Variants in CDKAL1 observed in about 807,000 individuals in gnomAD.
The protein encoded by CDKAL1 is threonylcarbamoyladenosine tRNA methylthiotransferase.
Under a neutral mutation model 68.2 loss-of-function variants are expected in CDKAL1, and 32 were observed. That is an observed-to-expected ratio of 0.47 (90% CI 0.35 to 0.63). The LOEUF (loss-of-function observed/expected upper bound fraction) is 0.63. Ranked by LOEUF, CDKAL1 falls within the 30% of genes least tolerant of loss-of-function variation. The probability of loss-of-function intolerance (pLI) is 0.00; values close to 1 mark genes in which losing one functional copy is unlikely to be tolerated. For synonymous variants in CDKAL1, 234 were observed against 244.3 expected (o/e 0.96, Z 0.39); for missense variants, 606 against 696.7 (o/e 0.87, Z 1.47).
intron 4 of CDKAL1, chr6:20,559,181 C>A (rs1271844850): frequency 6.6e-6 from 1 of 152,024 alleles, no homozygotes. Flanking sequence ...GTACTAAATT[C>A]ATGTTATTTA....
intron 5 of CDKAL1, among the ~76,000 whole-genome samples, chr6:20,703,293 G>T (rs1325838368): frequency 1.3e-5 from 2 of 152,108 alleles, no homozygotes; most frequent in Non-Finnish European, 2.9e-5. Flanking sequence ...AGTTAATTAA[G>T]GTACTGTTTG....
intron 11 of CDKAL1, among the ~76,000 whole-genome samples, chr6:21,012,250 T>C (rs1212288006): frequency 1.3e-5 from 2 of 152,204 alleles, no homozygotes; most frequent in African/African-American, 4.8e-5. Context: ...AAATTTAGTG[T>C]TTAGTTTGAG....
intron 9 of CDKAL1, among the ~76,000 whole-genome samples, chr6:20,947,660 A>G (rs9368260): frequency 0.18 from 27,160 of 152,156 alleles, 2,807 homozygotes; most frequent in Admixed American, 0.26. Context: ...CAACCTACTG[A>G]TCATCATAGC....
At chr6:20,932,434 G>A (rs1488426107) in intron 9 of CDKAL1, among the ~76,000 whole-genome samples, 1 of 152,142 alleles carries the variant, frequency 6.6e-6, no homozygotes, top group Non-Finnish European at 1.5e-5. Context: ...CTGAAGCACA[G>A]TAGCACTTCA....
rs574392779 is a variant in CDKAL1, at chr6:20,656,109, G to A, written c.371+6732G>A. Among the ~76,000 whole-genome samples the A allele has an allele frequency of 2.0e-4, 31 of 152,214 alleles. No homozygotes were observed. The East Asian group carries it at 4.1e-3, about 20-fold the overall frequency. On this transcript the variant is annotated intron_variant, in intron 5 of 15. Coordinates refer to ENST00000274695, the MANE Select transcript of CDKAL1 (RefSeq NM_017774.3). ...TGAAGGTCTCTAAGGCTGCTGTTCA[G>A]TTCATAAATGGTAGAAGTGGGATTT...
intron 5 of CDKAL1, among the ~76,000 whole-genome samples, chr6:20,712,665 G>A (rs1026688130): frequency 6.7e-6 from 1 of 150,250 alleles, no homozygotes; most frequent in Non-Finnish European, 1.5e-5. Flanking sequence ...TTTTTTTTGA[G>A]ATGGAGTCTC....
chr6:20,750,207 C>T (rs1773855079), intron 6 of CDKAL1, among the ~76,000 whole-genome samples: 1 of 152,126 alleles, frequency 6.6e-6, no homozygotes, highest in African/African-American at 2.4e-5. Context: ...TCCCAAGTAG[C>T]TGGGACTGCA....
chr6:20,637,514 G>T (rs534243454), intron 4 of CDKAL1, among the ~76,000 whole-genome samples: 28 of 151,846 alleles, frequency 1.8e-4, no homozygotes, highest in African/African-American at 6.5e-4. Flanking sequence ...ACTGAGCCAA[G>T]ACTGTGCCAC....
chr6:20,800,069 A>C (rs1581604138), intron 8 of CDKAL1, among the ~76,000 whole-genome samples: 2 of 152,362 alleles, frequency 1.3e-5, no homozygotes, highest in East Asian at 3.9e-4. Flanking sequence ...ATGGAAAAGC[A>C]ACAGCATGGA....
chr6:21,161,537 T>C (rs1009194383), intron 13 of CDKAL1, among the ~76,000 whole-genome samples: 3 of 152,214 alleles, frequency 2.0e-5, no homozygotes, highest in African/African-American at 7.2e-5. Context: ...AACTTTTTGG[T>C]GGTGTTAATC....
chr6:20,957,001 TTC>T (rs1201761274), intron 10 of CDKAL1, among the ~76,000 whole-genome samples: 1 of 119,092 alleles, frequency 8.4e-6, no homozygotes, highest in Non-Finnish European at 1.7e-5. Flanking sequence ...AGCAAAGTGA[TTC>T]TCTGTAAAAA....
intron 5 of CDKAL1, among the ~76,000 whole-genome samples, chr6:20,650,545 A>G (rs1266770035): frequency 1.3e-5 from 2 of 152,168 alleles, no homozygotes; most frequent in African/African-American, 4.8e-5. Flanking sequence ...TTTGCTATGC[A>G]GAAGCTCTTT....
At chr6:20,781,618 T>C (rs1246324920) in intron 8 of CDKAL1, among the ~76,000 whole-genome samples, 1 of 152,168 alleles carries the variant, frequency 6.6e-6, no homozygotes, top group Non-Finnish European at 1.5e-5. Flanking sequence ...TCAGTAAAGG[T>C]ATGGTAAATG....
chr6:20,964,220 A>G (rs1425860072), intron 10 of CDKAL1, among the ~76,000 whole-genome samples: 1 of 152,234 alleles, frequency 6.6e-6, no homozygotes, highest in Non-Finnish European at 1.5e-5. Flanking sequence ...GGAAGTGTAA[A>G]TTAGTTCAAC....
chr6:20,976,316 G>T (rs577276099), intron 10 of CDKAL1, among the ~76,000 whole-genome samples: 24 of 152,180 alleles, frequency 1.6e-4, no homozygotes, highest in Admixed American at 1.4e-3. Flanking sequence ...TGTATTCTTT[G>T]TTAAGTGAAG....
rs1476878669 is a variant in CDKAL1, at chr6:21,111,964, A to T, written c.1299+3501A>T. On this transcript the variant is annotated intron_variant, in intron 13 of 15. Coordinates refer to ENST00000274695, the MANE Select transcript of CDKAL1 (RefSeq NM_017774.3). ...TCCTTTGTCATTTTAATAAACAGGT[A>T]ATGAACATAACTTGTATTATAGTTT... 2.6e-5 allele frequency among the ~76,000 whole-genome samples: 4 copies of T among 152,224 alleles called. 1 individual carries two copies. The highest frequency in any genetic ancestry group is 2.6e-4 in the Admixed American group (4 of 15,286).
intron 15 of CDKAL1, among the ~76,000 whole-genome samples, chr6:21,215,033 C>T (rs182287288): frequency 9.8e-5 from 15 of 152,332 alleles, no homozygotes; most frequent in African/African-American, 2.2e-4. Flanking sequence ...AACCACAGAA[C>T]TGCAGTGGGG....
At chr6:20,671,365 T>A (rs549134549) in intron 5 of CDKAL1, among the ~76,000 whole-genome samples, 2 of 152,344 alleles carry the variant, frequency 1.3e-5, no homozygotes, top group East Asian at 3.9e-4. Context: ...TCAATTTGTG[T>A]GAGTTTTTCT....
intron 12 of CDKAL1, among the ~76,000 whole-genome samples, chr6:21,097,236 G>C (rs1368358664): frequency 6.6e-6 from 1 of 152,166 alleles, no homozygotes; most frequent in East Asian, 1.9e-4. Context: ...TTGGGAGGCT[G>C]AGGCTGTTGG....
Sources: gnomAD v4.1 joint callset for allele counts (sites outside exome capture counted in the v4.1 genomes callset) on GRCh38, gnomAD v4.1.1 for gene constraint, MANE v1.5 for transcripts, NCBI Gene and HGNC (gene_info 2026-07-23, HGNC 2026-07-21) for gene names.